FOCAD: variants seen among roughly 807,000 people sequenced by gnomAD.
FOCAD encodes the protein focadhesin.
Under a neutral mutation model 225.6 loss-of-function variants are expected in FOCAD, and 198 were observed. That is an observed-to-expected ratio of 0.88 (90% confidence interval 0.78 to 0.99). The LOEUF (loss-of-function observed/expected upper bound fraction) is 0.99, where lower values mean the gene tolerates loss of function less well. Among genes scored for constraint, FOCAD ranks in the 50% least tolerant of loss-of-function variants. The pLI is 0.00. For missense variants in FOCAD, 2,713 were observed against 2,123.6 expected, an observed-to-expected ratio of 1.28 and a Z score of -5.46; for synonymous variants, 897 against 755.0, an observed-to-expected ratio of 1.19 and a Z score of -3.08.
intron 35 of FOCAD, among the ~76,000 whole-genome samples, chr9:20,958,168 T>C (rs995315625): frequency 1.3e-5 from 2 of 152,080 alleles, no homozygotes; most frequent in Non-Finnish European, 2.9e-5. Flanking sequence ...GAATTATGAG[T>C]CACTTTATGT....
At chr9:20,735,629 C>T (rs536409766) in intron 4 of FOCAD, among the ~76,000 whole-genome samples, 3 of 152,074 alleles carry the variant, frequency 2.0e-5, no homozygotes, top group Admixed American at 1.3e-4. Flanking sequence ...GATCCTCCTG[C>T]CTCAGCCTCC....
At position 20,856,958 on chromosome 9, in the gene FOCAD, T is replaced by TA. The variant is rs775974170; in HGVS notation, c.1921-5619dup. ...TTCTATTGGTCTATGTGTCTGTTTT[T>TA]ATGCCAATACCATGCTGTTTTGGTT... is the stretch of plus-strand genomic sequence containing the variant. On this transcript the variant is annotated intron_variant, in intron 15 of 43. Coordinates refer to ENST00000338382, the MANE Select transcript of FOCAD (RefSeq NM_001375567.1). Among the ~76,000 whole-genome samples, 354 of 149,738 alleles carry TA rather than the reference T, an allele frequency of 2.4e-3. 1 individual carries two copies. Among genetic ancestry groups the TA allele is most frequent in the Non-Finnish European group, 3.3e-3 (221 of 67,428 alleles).
At chr9:20,846,683 T>G (rs1827145099) in intron 15 of FOCAD, among the ~76,000 whole-genome samples, 1 of 151,926 alleles carries the variant, frequency 6.6e-6, no homozygotes, top group Admixed American at 6.6e-5. Flanking sequence ...GAAAGTAGAG[T>G]GATTGCCATG....
At chr9:20,658,132 C>A (rs565971583), upstream of FOCAD, among the ~76,000 whole-genome samples, 34 of 151,298 alleles carry the variant, frequency 2.2e-4, no homozygotes, top group East Asian at 1.2e-3. Context: ...GCAGTCTGCC[C>A]GTTCTCAGAT....
intron 11 of FOCAD, among the ~76,000 whole-genome samples, chr9:20,808,398 A>T (rs1357946821): frequency 1.3e-5 from 2 of 152,182 alleles, no homozygotes; most frequent in Non-Finnish European, 2.9e-5. Flanking sequence ...TTCACAGGCT[A>T]GTGTGTGTGA....
At chr9:20,833,810 G>A (rs2131517124) in intron 15 of FOCAD, among the ~76,000 whole-genome samples, 1 of 152,170 alleles carries the variant, frequency 6.6e-6, no homozygotes, top group Non-Finnish European at 1.5e-5. Context: ...ATTGGGAAAT[G>A]TGCACACCAC....
chr9:20,994,100 A>T (rs975167963), intron 43 of FOCAD, among the ~76,000 whole-genome samples: 2 of 152,192 alleles, frequency 1.3e-5, no homozygotes, highest in African/African-American at 4.8e-5. Context: ...TCAAACATCT[A>T]AACCTGTTCT....
intron 35 of FOCAD, among the ~76,000 whole-genome samples, chr9:20,956,194 G>A (rs73426756): frequency 0.015 from 2,282 of 152,278 alleles, 44 homozygotes; most frequent in African/African-American, 0.051. Context: ...AGAGGTAATT[G>A]TTAAGAAGGA....
chr9:20,795,513 C>A (rs1010621646), intron 11 of FOCAD, among the ~76,000 whole-genome samples: 1 of 151,076 alleles, frequency 6.6e-6, no homozygotes, highest in Admixed American at 6.6e-5. Flanking sequence ...GGGCCGGGCA[C>A]GCTGGCTCAT....
At chr9:20,946,569 C>G (rs1837201529) in intron 29 of FOCAD, 132 bp from the exon 30 acceptor site, 2 of 915,342 alleles carry the variant, frequency 2.2e-6, no homozygotes, top group Non-Finnish European at 3.2e-6. Flanking sequence ...AAACAGTGCC[C>G]AATCCATGGT....
chr9:20,962,344 C>T (rs1169017811), intron 35 of FOCAD, among the ~76,000 whole-genome samples: 1 of 151,932 alleles, frequency 6.6e-6, no homozygotes, highest in Non-Finnish European at 1.5e-5. Flanking sequence ...AACAGATTGG[C>T]ATGTAATAGT....
chr9:20,764,759 A>G (rs1329093723), intron 6 of FOCAD, 110 bp from the exon 7 acceptor site: 2 of 824,206 alleles, frequency 2.4e-6, no homozygotes, highest in Non-Finnish European at 3.9e-6. Flanking sequence ...GTTACACTTG[A>G]TGATATGGTA....
intron 26 of FOCAD, among the ~76,000 whole-genome samples, chr9:20,928,589 G>A (rs913039347): frequency 9.9e-5 from 15 of 152,050 alleles, no homozygotes; most frequent in African/African-American, 3.6e-4. Flanking sequence ...TCTCTAACCT[G>A]GGATTCTTAT....
At chr9:20,799,395 A>G (rs1386365214) in intron 11 of FOCAD, among the ~76,000 whole-genome samples, 1 of 151,988 alleles carries the variant, frequency 6.6e-6, no homozygotes, top group Non-Finnish European at 1.5e-5. Context: ...CAATTCCTGG[A>G]TACCCTTGTT....
At chr9:20,787,547 T>C (rs942324592) in intron 10 of FOCAD, among the ~76,000 whole-genome samples, 2 of 152,202 alleles carry the variant, frequency 1.3e-5, no homozygotes, top group African/African-American at 4.8e-5. Flanking sequence ...AAAAATATTT[T>C]TAGAGAGCTA....
At position 20,981,284 on chromosome 9, in the gene FOCAD, G is replaced by T. The variant is rs551653336; in HGVS notation, c.4378-142G>T. ...TGGTGGCCCATTGGACCGTGAAGCT[G>T]TGGGAAAATGAAGGGGGAAGGAAGT... On this transcript the variant is annotated intron_variant, in intron 37 of 43. Coordinates refer to ENST00000338382, the MANE Select transcript of FOCAD (RefSeq NM_001375567.1). 6 of 960,952 alleles carry T rather than the reference G, an allele frequency of 6.2e-6. No individual in the cohort carries two copies. In the African/African-American group the frequency reaches 9.8e-5, roughly 16 times the overall value. The allele number at this position is 960,952 out of a possible 1,614,324, so 59.5% of individuals were successfully genotyped here.
At chr9:20,664,686 C>T (rs1213049977) in intron 2 of FOCAD, among the ~76,000 whole-genome samples, 4 of 145,692 alleles carry the variant, frequency 2.7e-5, no homozygotes, top group African/African-American at 1.0e-4. Flanking sequence ...GCTTTGTTGA[C>T]CAGGCTGGTT....
intron 24 of FOCAD, among the ~76,000 whole-genome samples, chr9:20,919,420 C>G (rs1433734013): frequency 6.6e-6 from 1 of 152,178 alleles, no homozygotes; most frequent in East Asian, 1.9e-4. Flanking sequence ...ATGCCATCCC[C>G]ATCAAGCTAC....
rs906643811 is a variant in FOCAD at position 20,862,663 on chromosome 9, A to G, written c.2006A>G (p.Glu669Gly). ...CCTCTCATTCTGAAGACACTGAGTG[A>G]ACTATTTTCTCTAGTTCCTTCCTTA... is the stretch of plus-strand genomic sequence containing the variant. ...TRPLILKTLS[E>G]LFSLVPSLTV... Residue 669 changes from glutamate (E) to glycine (G), a missense_variant, in exon 16 of 44, where the codon GAA becomes GGA. Glu to Gly is a moderately conservative substitution (Grantham distance 98, BLOSUM62 -2). Transcript: ENST00000338382. The G allele has an allele frequency of 6.2e-7, 1 of 1,613,520 alleles. No homozygotes were observed. The highest frequency in any genetic ancestry group is 8.5e-7 in the Non-Finnish European group (1 of 1,179,620).
Sources: gnomAD v4.1 joint callset for allele counts (sites outside exome capture counted in the v4.1 genomes callset) on GRCh38, gnomAD v4.1.1 for gene constraint, MANE v1.5 for transcripts, NCBI Gene and HGNC (gene_info 2026-07-23, HGNC 2026-07-21) for gene names.